HGSNAT: variants seen among roughly 807,000 people sequenced by gnomAD.
HGSNAT encodes the protein transmembrane protein 76.
A neutral mutation model predicts 85.2 loss-of-function variants in HGSNAT; 59 were observed. The ratio of observed to expected loss-of-function variants is 0.69; its 90% CI spans 0.56 to 0.86. The LOEUF (loss-of-function observed/expected upper bound fraction) is 0.86. HGSNAT is among the 40% of genes least tolerant of loss of function. The pLI, the probability that HGSNAT is intolerant of heterozygous loss-of-function variation, is 0.00. For missense variants in HGSNAT, 756 were observed against 777.1 expected, an observed-to-expected ratio of 0.97 and a Z score of 0.32; for synonymous variants, 321 against 304.5, an observed-to-expected ratio of 1.05 and a Z score of -0.56.
At chr8:43,146,469 T>C (rs1316321547) in intron 1 of HGSNAT, among the ~76,000 whole-genome samples, 1 of 152,150 alleles carries the variant, frequency 6.6e-6, no homozygotes, top group Non-Finnish European at 1.5e-5. Flanking sequence ...TGGGTTCATA[T>C]CAATTATTTC....
At chr8:43,172,457 C>A in intron 8 of HGSNAT, 71 bp downstream of exon 8, 1 of 1,097,400 alleles carries the variant, frequency 9.1e-7, no homozygotes, top group Non-Finnish European at 1.4e-6. Flanking sequence ...GAGAATCACT[C>A]AGCATTCTCC....
At chr8:43,161,563 C>A in intron 5 of HGSNAT, 56 bp downstream of exon 5, 1 of 1,321,856 alleles carries the variant, frequency 7.6e-7, no homozygotes, top group Non-Finnish European at 1.1e-6. Context: ...ATAACACATT[C>A]AGAAGGGGCA....
intron 11 of HGSNAT, among the ~76,000 whole-genome samples, chr8:43,186,922 G>T (rs928640688): frequency 6.6e-6 from 1 of 152,194 alleles, no homozygotes; most frequent in African/African-American, 2.4e-5. Flanking sequence ...TCAGGAGTGG[G>T]TTGTTCAGTT....
chr8:43,171,028 G>A (rs1237857278), intron 7 of HGSNAT, among the ~76,000 whole-genome samples: 1 of 152,096 alleles, frequency 6.6e-6, no homozygotes, highest in Non-Finnish European at 1.5e-5. Context: ...GTAGCTTGAC[G>A]GCTCAGAAGA....
rs373388592 is a variant in HGSNAT at position 43,154,643 on chromosome 8, C to T, written c.235-3932C>T. 2.4e-4 allele frequency among the ~76,000 whole-genome samples: 36 copies of T among 152,074 alleles called. No homozygotes were observed. The East Asian group carries it at 3.7e-3, about 15-fold the overall frequency. ...AAGTCTTTGCTATTGTGAATAGTGC[C>T]GCAATAAACATATGTGTGCATGTGT... On this transcript the variant is annotated intron_variant, in intron 2 of 17. Transcript: ENST00000379644.
At chr8:43,148,037 G>A (rs1802771056) in intron 2 of HGSNAT, among the ~76,000 whole-genome samples, 1 of 152,188 alleles carries the variant, frequency 6.6e-6, no homozygotes, top group African/African-American at 2.4e-5. Flanking sequence ...GAGGTCAGGA[G>A]TTCGAGACCA....
At chr8:43,172,669 T>C (rs549517998) in intron 8 of HGSNAT, among the ~76,000 whole-genome samples, 1 of 152,332 alleles carries the variant, frequency 6.6e-6, no homozygotes. Context: ...GAATATGTTA[T>C]GGATTTGGTT....
intron 15 of HGSNAT, chr8:43,197,272 TG>T (rs1417598179): frequency 7.0e-6 from 4 of 569,484 alleles, no homozygotes; most frequent in Non-Finnish European, 1.3e-5. Context: ...CCTGAAGAAA[TG>T]TGAGGTATGG....
At chr8:43,186,381 T>C (rs1163422277) in intron 11 of HGSNAT, among the ~76,000 whole-genome samples, 1 of 152,226 alleles carries the variant, frequency 6.6e-6, no homozygotes, top group African/African-American at 2.4e-5. Flanking sequence ...TGTGTATGTG[T>C]CCAGGAATTT....
At chr8:43,146,302 G>A (rs763107891) in intron 1 of HGSNAT, among the ~76,000 whole-genome samples, 2 of 152,166 alleles carry the variant, frequency 1.3e-5, no homozygotes, top group African/African-American at 2.4e-5. Flanking sequence ...ATAGAAAGCA[G>A]CACTTCTCAA....
At position 43,140,464 on chromosome 8, in the gene HGSNAT, G is replaced by A. The variant is rs1802472066; in HGVS notation, c.-33G>A. On this transcript the variant is annotated 5_prime_UTR_variant, in exon 1 of 18. Coordinates refer to ENST00000379644, the MANE Select transcript of HGSNAT (RefSeq NM_152419.3). ...GGAGCAGCGCAGGGCGGGGCGCAGC[G>A]GGCAGGCAAGGGCGGCCGAGCGGGC... 3 of 903,134 alleles carry A rather than the reference G, an allele frequency of 3.3e-6. No homozygotes were observed. The highest frequency in any genetic ancestry group is 9.8e-5 in the South Asian group (2 of 20,488). 55.9% of individuals were successfully genotyped at this position (903,134 alleles called of 1,614,324 possible).
At chr8:43,194,129 G>C in intron 14 of HGSNAT, 1 of 1,166,996 alleles carries the variant, frequency 8.6e-7, no homozygotes, top group Non-Finnish European at 1.1e-6. Context: ...AAGCTGCAGT[G>C]GCTCATGCCT....
intron 11 of HGSNAT, among the ~76,000 whole-genome samples, chr8:43,190,059 A>G (rs1804474173): frequency 2.0e-5 from 3 of 152,294 alleles, no homozygotes; most frequent in Admixed American, 1.3e-4. Context: ...GTAAAGTTCA[A>G]TTTTGAGGAT....
intron 9 of HGSNAT, among the ~76,000 whole-genome samples, chr8:43,175,157 G>A (rs1803765157): frequency 6.6e-6 from 1 of 152,158 alleles, no homozygotes; most frequent in Non-Finnish European, 1.5e-5. Flanking sequence ...TCTGCTTCCA[G>A]ATCTTGGCTA....
In HGSNAT at chr8:43,191,547, G is replaced by C. The variant is rs751563675; in HGVS notation, c.1202G>C (p.Gly401Ala). The change falls in exon 12 of 18, where the codon GGC (glycine) becomes GCC (alanine). Residue 401 changes from glycine to alanine, a missense_variant. Gly to Ala is a moderately conservative substitution (Grantham distance 60, BLOSUM62 0). Transcript: ENST00000379644. ...PQWLLILVLE[G>A]LWLGLTFLLP... ...TGGCTGCTCATCCTGGTGCTGGAAG[G>C]CCTGTGGCTGGGCTTGACATTCCTC... 5.0e-6 allele frequency: 8 copies of C among 1,613,908 alleles called. No homozygotes were observed. The highest frequency in any genetic ancestry group is 1.7e-5 in the Admixed American group (1 of 60,002).
rs2130821593 is a variant in HGSNAT at position 43,197,847 on chromosome 8, T to A, written c.1621T>A (p.Ser541Thr). 6.2e-7 allele frequency: 1 copy of A among 1,613,872 alleles called. No homozygotes were observed. The highest frequency in any genetic ancestry group is 1.6e-4 in the Middle Eastern group (1 of 6,062). ...IPVNKNLWSL[S>T]YVTTLSSFAF... Reference sequence around the variant, plus strand: ...CTCCTCCACCCCTCCCAGGTCCCTTTCGTATGTCACTACGCTCAGTTCTTT... The same window carrying A: ...CTCCTCCACCCCTCCCAGGTCCCTTACGTATGTCACTACGCTCAGTTCTTT... The change falls in exon 17 of 18, where the codon TCG becomes ACG. Residue 541 changes from serine (S) to threonine (T), a missense_variant. Transcript: ENST00000379644.
At chr8:43,189,836 G>T (rs546060629) in intron 11 of HGSNAT, among the ~76,000 whole-genome samples, 11 of 152,296 alleles carry the variant, frequency 7.2e-5, no homozygotes, top group African/African-American at 2.6e-4. Context: ...CTCGTGATCT[G>T]CCTGCCTTGG....
chr8:43,156,855 C>T (rs942921083), intron 2 of HGSNAT, among the ~76,000 whole-genome samples: 18 of 151,880 alleles, frequency 1.2e-4, no homozygotes, highest in Non-Finnish European at 2.4e-4. Context: ...TTTTTGTTTC[C>T]ATTTTCATAG....
Position 43,140,566 on chromosome 8 carries a change from GC to G in HGSNAT, c.75del (p.Gly26AlafsTer16). On this transcript the variant is annotated frameshift_variant, in exon 1 of 18. Coordinates refer to ENST00000379644, the MANE Select transcript of HGSNAT (RefSeq NM_152419.3). LOFTEE classifies it high-confidence loss of function. Reference sequence around the variant, plus strand: ...GTCCGTGCTGAGCGCCGCGCTGCTGGCCCCCGGCGGCTCTTCGGGGCGCGAT... The same window carrying G: ...GTCCGTGCTGAGCGCCGCGCTGCTGGCCCCGGCGGCTCTTCGGGGCGCGAT... ...AASVLSAALL[A>X]PGGSSGRDAQ... is the part of the protein sequence containing the mutation. 7 of 1,219,908 alleles carry G rather than the reference GC, an allele frequency of 5.7e-6. No individual in the cohort carries two copies. The highest frequency in any genetic ancestry group is 4.0e-5 in the East Asian group (1 of 25,070). 75.6% of individuals were successfully genotyped at this position (1,219,908 alleles called of 1,614,324 possible).
Sources: gnomAD v4.1 joint callset for allele counts (sites outside exome capture counted in the v4.1 genomes callset) on GRCh38, gnomAD v4.1.1 for gene constraint, MANE v1.5 for transcripts, NCBI Gene and HGNC (gene_info 2026-07-23, HGNC 2026-07-21) for gene names.